Variants in MROH1 observed in about 807,000 individuals in gnomAD.
MROH1 encodes maestro heat-like repeat-containing protein family member 1.
Under a neutral mutation model 116.5 loss-of-function variants are expected in MROH1, and 117 were observed. The ratio of observed to expected loss-of-function variants is 1.00; its 90% CI spans 0.86 to 1.17. The LOEUF (loss-of-function observed/expected upper bound fraction) is 1.17, where lower values mean the gene tolerates loss of function less well. Among genes scored for constraint, MROH1 ranks in the 50% most tolerant of loss-of-function variants. The pLI is 0.00. For missense variants in MROH1, 1,873 were observed against 1,338.5 expected, an observed-to-expected ratio of 1.40 and a Z score of -6.23; for synonymous variants, 921 against 583.9, an observed-to-expected ratio of 1.58 and a Z score of -8.32.
rs749866066 is a variant in MROH1, at chr8:144,223,122, G to A, written c.1230G>A (p.Val410=). The A allele has an allele frequency of 4.3e-6, 7 of 1,613,234 alleles. No individual in the cohort carries two copies. The highest frequency in any genetic ancestry group is 1.6e-4 in the Middle Eastern group (1 of 6,080). ...LDTNSKVKRA[V]VQVISAMAHH... is the part of the protein sequence containing the mutation. Reference sequence around the variant, plus strand: ...TCTCTGGGCAGGTGAAGCGGGCAGTGGTGCAGGTGATTAGCGCCATGGCCC... The same window carrying A: ...TCTCTGGGCAGGTGAAGCGGGCAGTAGTGCAGGTGATTAGCGCCATGGCCC... Residue 410 remains valine (V), a synonymous_variant, in exon 14 of 44, where the codon GTG becomes GTA. Coordinates refer to ENST00000326134, the MANE Select transcript of MROH1 (RefSeq NM_032450.3).
Position 144,192,479 on chromosome 8 carries a change from A to G in MROH1, c.948+78A>G, listed in dbSNP as rs751602764. On this transcript the variant is annotated intron_variant, in intron 10 of 43. Coordinates refer to ENST00000326134, the MANE Select transcript of MROH1 (RefSeq NM_032450.3). ...GAAGTTGCTGGACAAGGGGTGCAGA[A>G]AGCAAGTTGGGGTGGATGGCTCAGC... is the stretch of plus-strand genomic sequence containing the variant. 1.4e-4 allele frequency: 191 copies of G among 1,328,750 alleles called. 1 individual carries two copies. In the Middle Eastern group the frequency reaches 2.0e-3, roughly 14 times the overall value. 82.3% of individuals were successfully genotyped at this position (1,328,750 alleles called of 1,614,324 possible). A position where few individuals can be genotyped will look rare whatever the true frequency, so the allele number is the denominator to read the frequency against.
At chr8:144,211,855 A>T (rs974854224) in intron 12 of MROH1, among the ~76,000 whole-genome samples, 1 of 152,084 alleles carries the variant, frequency 6.6e-6, no homozygotes. Flanking sequence ...GACGCATTTG[A>T]TGGCTTCAAT....
At chr8:144,204,325 T>C (rs1390649277) in intron 12 of MROH1, among the ~76,000 whole-genome samples, 1 of 152,232 alleles carries the variant, frequency 6.6e-6, no homozygotes, top group African/African-American at 2.4e-5. Context: ...TTGCCCAGGC[T>C]GGTCTCAAAC....
At chr8:144,205,429 C>G (rs1244550759) in intron 12 of MROH1, among the ~76,000 whole-genome samples, 1 of 152,008 alleles carries the variant, frequency 6.6e-6, no homozygotes, top group African/African-American at 2.4e-5. Flanking sequence ...TCTGATTTGA[C>G]TGGGATTTTC....
intron 22 of MROH1, 56 bp downstream of exon 22, chr8:144,241,573 C>T (rs1345788131): frequency 1.3e-6 from 1 of 775,472 alleles, no homozygotes; most frequent in African/African-American, 1.7e-5. Context: ...AAGTTTGAGG[C>T]TCAGGGGGTG....
At chr8:144,256,045 T>C (rs1843698484) in intron 35 of MROH1, among the ~76,000 whole-genome samples, 1 of 152,254 alleles carries the variant, frequency 6.6e-6, no homozygotes, top group East Asian at 1.9e-4. Flanking sequence ...GTGGAGTCTT[T>C]GGGGTATAGG....
intron 12 of MROH1, chr8:144,213,008 A>G (rs746268878): frequency 7.7e-6 from 6 of 778,352 alleles, no homozygotes; most frequent in Non-Finnish European, 1.2e-5. Context: ...CACTAACACC[A>G]GAATAACACT....
intron 38 of MROH1, 40 bp from the exon 39 acceptor site, chr8:144,260,146 G>T: frequency 1.3e-6 from 1 of 761,430 alleles, no homozygotes; most frequent in East Asian, 2.4e-5. Flanking sequence ...GGTAGCAGAC[G>T]GTGACTCTGG....
intron 14 of MROH1, among the ~76,000 whole-genome samples, chr8:144,234,497 C>CTTTTTTTTTTTTTTT (rs1554823930): frequency 1.9e-4 from 4 of 20,630 alleles, no homozygotes; most frequent in East Asian, 1.2e-3. Context: ...CTTTCTTTTT[C>CTTTTTTTTTTTTTTT]GTTTTTTTTT....
rs1841679526 is a variant in MROH1 at position 144,245,185 on chromosome 8, A to G, written c.2796A>G (p.Arg932=). Residue 932 remains arginine (R), a synonymous_variant, in exon 29 of 44, where the codon AGA becomes AGG. Transcript: ENST00000326134. ...TGAGCCCATGGATCAAGTCCCCAAG[A>G]GGTCACGAGCGGGCGCGGGCCCTGG... is the stretch of plus-strand genomic sequence containing the variant. ...EHLSPWIKSP[R]GHERARALGL... is the part of the protein sequence containing the mutation. 4 of 779,128 alleles carry G rather than the reference A, an allele frequency of 5.1e-6. No homozygotes were observed. Among genetic ancestry groups the G allele is most frequent in the African/African-American group, 3.4e-5 (2 of 59,108 alleles). The allele number at this position is 779,128 out of a possible 1,614,324, so 48.3% of individuals were successfully genotyped here.
At position 144,173,943 on chromosome 8, in the gene MROH1, TGGG is replaced by T. The variant is rs913549969; in HGVS notation, c.168+5506_169-5507del. On this transcript the variant is annotated intron_variant, in intron 4 of 43. Coordinates refer to ENST00000326134, the MANE Select transcript of MROH1 (RefSeq NM_032450.3). ...TTTATTGAGCGATGAAAATGGCTCT[TGGG>T]GGAGAGGGGAGCTGGAGAGGGGACA... Among the ~76,000 whole-genome samples the T allele has an allele frequency of 3.3e-5, 5 of 152,192 alleles. No homozygotes were observed. In the East Asian group the frequency reaches 9.7e-4, roughly 29 times the overall value.
At chr8:144,171,474 G>T (rs1822429178) in intron 4 of MROH1, among the ~76,000 whole-genome samples, 2 of 152,180 alleles carry the variant, frequency 1.3e-5, no homozygotes, top group South Asian at 4.1e-4. Flanking sequence ...TTGAGGGTTT[G>T]TGCTCAGTTG....
intron 1 of MROH1, among the ~76,000 whole-genome samples, chr8:144,157,998 T>C (rs1223469759): frequency 7.1e-5 from 10 of 141,594 alleles, no homozygotes; most frequent in African/African-American, 2.6e-4. Flanking sequence ...TCTTTTTTTT[T>C]TTTTTTTTTT....
chr8:144,151,654 G>C lies in MROH1; in HGVS notation c.-177+3578G>C, dbSNP rs893018424. ...AAAAAGCCCTCTGTCCTTGCGACAA[G>C]TAGAGGGTCTAATTGAGCTGTTTAG... On this transcript the variant is annotated intron_variant, in intron 1 of 43. Coordinates refer to ENST00000326134, the MANE Select transcript of MROH1 (RefSeq NM_032450.3). 6.6e-3 allele frequency among the ~76,000 whole-genome samples: 1,000 copies of C among 152,352 alleles called. 7 individuals carry two copies. Among genetic ancestry groups the C allele is most frequent in the African/African-American group, 0.023 (957 of 41,568 alleles).
At chr8:144,231,939 G>C (rs1838968642) in intron 14 of MROH1, among the ~76,000 whole-genome samples, 1 of 152,208 alleles carries the variant, frequency 6.6e-6, no homozygotes, top group Non-Finnish European at 1.5e-5. Context: ...GGGTACCTGT[G>C]ATAACTTAAT....
At chr8:144,208,609 G>A (rs1193515406) in intron 12 of MROH1, among the ~76,000 whole-genome samples, 1 of 152,188 alleles carries the variant, frequency 6.6e-6, no homozygotes, top group Non-Finnish European at 1.5e-5. Context: ...CCGAGGTACA[G>A]GGGTTGGGAT....
At chr8:144,195,139 G>A (rs1447068186) in intron 10 of MROH1, among the ~76,000 whole-genome samples, 1 of 140,878 alleles carries the variant, frequency 7.1e-6, no homozygotes, top group Non-Finnish European at 1.5e-5. Flanking sequence ...AGGCTGCAGT[G>A]AGCTGTGATC....
At chr8:144,246,734 C>T (rs1299189899) in intron 29 of MROH1, among the ~76,000 whole-genome samples, 30 of 152,252 alleles carry the variant, frequency 2.0e-4, no homozygotes, top group Admixed American at 9.8e-4. Flanking sequence ...AGGCCTCGCA[C>T]GTGGGGGCTG....
intron 39 of MROH1, 100 bp from the exon 40 acceptor site, chr8:144,260,576 GC>G (rs1474567713): frequency 1.3e-6 from 1 of 762,990 alleles, no homozygotes; most frequent in African/African-American, 1.7e-5. Context: ...GTGTTTCCTG[GC>G]CCGGGTCAGG....
Sources: allele counts gnomAD v4.1 joint callset (sites outside exome capture counted in the v4.1 genomes callset), GRCh38; gene constraint gnomAD v4.1.1; transcripts MANE v1.5; gene names NCBI Gene and HGNC (gene_info 2026-07-23, HGNC 2026-07-21).